The following FNDC3B variants were observed in gnomAD, a reference collection of about 807,000 sequenced individuals.
The protein encoded by FNDC3B is fibronectin type III domain-containing protein 3B.
A neutral mutation model predicts 151.5 loss-of-function variants in FNDC3B; 12 were observed. That is an observed-to-expected ratio of 0.08 (90% CI 0.05 to 0.13). FNDC3B has a LOEUF of 0.13. FNDC3B is among the 10% of genes least tolerant of loss of function. The pLI is 1.00. For missense variants in FNDC3B, 1,214 were observed against 1,505.3 expected (o/e 0.81, Z 3.20); for synonymous variants, 528 against 549.0 (o/e 0.96, Z 0.54).
chr3:172,247,843 G>T, intron 5 of FNDC3B, 67 bp downstream of exon 5: 2 of 1,549,122 alleles, frequency 1.3e-6, no homozygotes, highest in East Asian at 4.5e-5. Flanking sequence ...AGTTCAAGGC[G>T]GTCCTTTGTT....
intron 3 of FNDC3B, chr3:172,187,108 G>C: frequency 4.9e-6 from 1 of 205,550 alleles, no homozygotes; most frequent in South Asian, 1.3e-4. Flanking sequence ...TTCATGGAAA[G>C]TGGAAACACT....
intron 1 of FNDC3B, among the ~76,000 whole-genome samples, chr3:172,044,632 C>T (rs80267814): frequency 0.016 from 2,395 of 152,232 alleles, 66 homozygotes; most frequent in African/African-American, 0.054. Context: ...CCTGTTCATA[C>T]CCATTCCTGA....
At chr3:172,258,624 A>C (rs1048837561) in intron 6 of FNDC3B, among the ~76,000 whole-genome samples, 5 of 152,152 alleles carry the variant, frequency 3.3e-5, no homozygotes, top group African/African-American at 1.2e-4. Context: ...CTTGGAGTCT[A>C]TCCTTTTGCT....
intron 23 of FNDC3B, among the ~76,000 whole-genome samples, chr3:172,373,220 C>T (rs1226594577): frequency 6.6e-6 from 1 of 152,184 alleles, no homozygotes; most frequent in African/African-American, 2.4e-5. Context: ...TTAGGTCCTC[C>T]CATTTCCAGT....
chr3:172,362,740 C>T lies in FNDC3B; in HGVS notation c.2903C>T (p.Ala968Val). Residue 968 changes from alanine to valine, a missense_variant, in exon 23 of 26, where the codon GCT becomes GTT. By Grantham distance (64) the Ala-to-Val change is moderately conservative (BLOSUM62 0). This residue lies in a region of FNDC3B where 284 missense variants were observed against 392.4 expected (regional missense o/e 0.72). Coordinates refer to ENST00000415807, the MANE Select transcript of FNDC3B (RefSeq NM_022763.4). ...TTGCCTCCTAGGCTAGAATGTGCTG[C>T]TGCTGGTCCTCAGAGCCTGAAGCTA... ...PPLPPRLECA[A>V]AGPQSLKLKW... 1 of 1,614,086 alleles carries T rather than the reference C, an allele frequency of 6.2e-7. No homozygotes were observed. The highest frequency in any genetic ancestry group is 8.5e-7 in the Non-Finnish European group (1 of 1,179,976).
At chr3:172,264,797 C>G (rs986167673) in intron 6 of FNDC3B, among the ~76,000 whole-genome samples, 12 of 152,102 alleles carry the variant, frequency 7.9e-5, no homozygotes, top group African/African-American at 2.7e-4. Flanking sequence ...TCAATAATTG[C>G]TCTTATTTTA....
chr3:172,077,578 C>T (rs565405997), intron 1 of FNDC3B, among the ~76,000 whole-genome samples: 1 of 152,304 alleles, frequency 6.6e-6, no homozygotes, highest in East Asian at 1.9e-4. Flanking sequence ...AGCCCCAGAA[C>T]ATTACTATAC....
chr3:172,063,687 G>A (rs1175301578), intron 1 of FNDC3B, among the ~76,000 whole-genome samples: 2 of 152,072 alleles, frequency 1.3e-5, no homozygotes, highest in Non-Finnish European at 2.9e-5. Context: ...ATGTTTTGAG[G>A]GCAGCCTGAA....
At chr3:172,101,805 T>TC (rs1406107431) in intron 1 of FNDC3B, among the ~76,000 whole-genome samples, 1 of 152,180 alleles carries the variant, frequency 6.6e-6, no homozygotes, top group Non-Finnish European at 1.5e-5. Context: ...GCTAGTTTTT[T>TC]CCCCCCTCTA....
intron 3 of FNDC3B, among the ~76,000 whole-genome samples, chr3:172,205,140 T>A (rs1362166954): frequency 1.3e-5 from 2 of 152,206 alleles, no homozygotes; most frequent in Non-Finnish European, 2.9e-5. Flanking sequence ...TTGGCATATA[T>A]AACCCATAAA....
chr3:172,180,171 GT>G (rs112671274), intron 3 of FNDC3B, among the ~76,000 whole-genome samples: 15,911 of 152,146 alleles, frequency 0.1, 1,056 homozygotes, highest in East Asian at 0.2. Context: ...TGTGCACAGT[GT>G]TTTCCCTTGG....
chr3:172,311,452 T>G (rs1387101532), intron 11 of FNDC3B, among the ~76,000 whole-genome samples: 1 of 151,682 alleles, frequency 6.6e-6, no homozygotes, highest in Non-Finnish European at 1.5e-5. Context: ...TACGGTGGAG[T>G]GTCCTTATTC....
At chr3:172,264,534 T>A (rs1373508716) in intron 6 of FNDC3B, among the ~76,000 whole-genome samples, 1 of 152,228 alleles carries the variant, frequency 6.6e-6, no homozygotes, top group African/African-American at 2.4e-5. Context: ...ATTCTATGAA[T>A]TCTCTACCCC....
rs964905305 is a variant in FNDC3B at position 172,368,927 on chromosome 3, C to A, written c.3008+6082C>A. Among the ~76,000 whole-genome samples the A allele has an allele frequency of 2.0e-5, 3 of 152,150 alleles. No individual in the cohort carries two copies. The East Asian group carries it at 5.8e-4, about 29-fold the overall frequency. On this transcript the variant is annotated intron_variant, in intron 23 of 25. Coordinates refer to ENST00000415807, the MANE Select transcript of FNDC3B (RefSeq NM_022763.4). ...TCAGGAGCCTGAGGCAGGAAAATTGCTTGAAACTGGGAGGCAGAGGTTGCA... is the reference window on the plus strand; with the variant it reads ...TCAGGAGCCTGAGGCAGGAAAATTGATTGAAACTGGGAGGCAGAGGTTGCA...
chr3:172,319,557 C>T (rs1474925997), intron 11 of FNDC3B, among the ~76,000 whole-genome samples: 1 of 152,074 alleles, frequency 6.6e-6, no homozygotes, highest in Admixed American at 6.5e-5. Context: ...ACAAATCATC[C>T]CACCCACTTT....
At chr3:172,305,813 T>A (rs752871691) in intron 9 of FNDC3B, among the ~76,000 whole-genome samples, 9 of 152,186 alleles carry the variant, frequency 5.9e-5, no homozygotes, top group Non-Finnish European at 1.3e-4. Flanking sequence ...TGTGATTCAT[T>A]TAAAGTAACT....
intron 2 of FNDC3B, among the ~76,000 whole-genome samples, chr3:172,118,366 T>C (rs1244058667): frequency 6.6e-6 from 1 of 152,252 alleles, no homozygotes; most frequent in East Asian, 1.9e-4. Flanking sequence ...AATATACTGA[T>C]AGCCACGGTG....
chr3:172,358,294 A>G (rs1262046371), intron 22 of FNDC3B, among the ~76,000 whole-genome samples: 1 of 152,246 alleles, frequency 6.6e-6, no homozygotes, highest in East Asian at 1.9e-4. Flanking sequence ...AGATCAAGTT[A>G]TTTAACCTCT....
At chr3:172,160,670 G>A (rs1244032509) in intron 3 of FNDC3B, among the ~76,000 whole-genome samples, 8 of 152,126 alleles carry the variant, frequency 5.3e-5, no homozygotes, top group African/African-American at 9.7e-5. Context: ...TAATCTATAC[G>A]TATTTTAAAG....
Sources: gnomAD v4.1 joint callset for allele counts (sites outside exome capture counted in the v4.1 genomes callset) on GRCh38, gnomAD v4.1.1 for gene constraint, gnomAD v4.1.1 regional missense constraint, MANE v1.5 for transcripts, NCBI Gene and HGNC (gene_info 2026-07-23, HGNC 2026-07-21) for gene names.